Variants in THADA observed in about 807,000 individuals in gnomAD.
The protein encoded by THADA is THADA armadillo repeat containing.
Under a neutral mutation model 219.8 loss-of-function variants are expected in THADA, and 213 were observed. The ratio of observed to expected loss-of-function variants is 0.97; its 90% CI spans 0.87 to 1.09. The LOEUF (loss-of-function observed/expected upper bound fraction) is 1.09. Ranked by LOEUF, THADA falls within the 50% of genes least tolerant of loss-of-function variation. The pLI, the probability that THADA is intolerant of heterozygous loss-of-function variation, is 0.00. For missense variants in THADA, 2,956 were observed against 2,311.3 expected (o/e 1.28, Z -5.72); for synonymous variants, 1,018 against 828.9 (o/e 1.23, Z -3.92).
chr2:43,406,748 G>A (rs906474070), intron 28 of THADA, among the ~76,000 whole-genome samples: 10 of 152,128 alleles, frequency 6.6e-5, no homozygotes, highest in Non-Finnish European at 5.9e-5. Context: ...CCTATCTGAG[G>A]GGTTTCTCTC....
At chr2:43,531,268 G>A (rs1693826574) in intron 21 of THADA, among the ~76,000 whole-genome samples, 1 of 152,178 alleles carries the variant, frequency 6.6e-6, no homozygotes, top group Non-Finnish European at 1.5e-5. Context: ...TACTTGGGTG[G>A]ACCAAAATGA....
At chr2:43,417,862 C>G (rs1038092615) in intron 28 of THADA, among the ~76,000 whole-genome samples, 1 of 152,150 alleles carries the variant, frequency 6.6e-6, no homozygotes, top group Non-Finnish European at 1.5e-5. Flanking sequence ...CCCAACATTC[C>G]CCCCCTCTGT....
At position 43,527,895 on chromosome 2, in the gene THADA, T is replaced by C; in HGVS notation, c.3358A>G (p.Thr1120Ala). ...TTGTTTTACCTGTTTAGTACTTCAG[T>C]GAGTTTCACAAAACCAGTATAAGCC... ...ELAYTGFVKL[T>A]EVLNRCPNVS... The change falls in exon 22 of 38, where the codon ACT (threonine) becomes GCT (alanine). Residue 1120 changes from threonine to alanine, a missense_variant. Transcript: ENST00000405975. The C allele has an allele frequency of 1.2e-6, 2 of 1,612,088 alleles. No homozygotes were observed. Among genetic ancestry groups the C allele is most frequent in the East Asian group, 4.5e-5 (2 of 44,820 alleles).
chr2:43,595,665 T>G (rs948939716), intron 1 of THADA: 11 of 152,422 alleles, frequency 7.2e-5, no homozygotes, highest in African/African-American at 2.4e-4. Flanking sequence ...TTTAGAACGC[T>G]GCTTCACTCT....
intron 28 of THADA, among the ~76,000 whole-genome samples, chr2:43,415,094 T>C (rs1289154471): frequency 1.3e-5 from 2 of 152,230 alleles, no homozygotes; most frequent in Non-Finnish European, 2.9e-5. Flanking sequence ...ACGTATTCTA[T>C]TTATCTTCCT....
chr2:43,333,854 G>T (rs1408346032), intron 30 of THADA, among the ~76,000 whole-genome samples: 1 of 152,222 alleles, frequency 6.6e-6, no homozygotes, highest in Non-Finnish European at 1.5e-5. Context: ...TTCAGGAGGG[G>T]ACCAGCCCAT....
At chr2:43,326,744 C>T (rs1324997161) in intron 30 of THADA, among the ~76,000 whole-genome samples, 1 of 152,146 alleles carries the variant, frequency 6.6e-6, no homozygotes, top group Non-Finnish European at 1.5e-5. Context: ...CCAGTGGGAT[C>T]CCATAAGCTC....
chr2:43,235,683 T>C (rs6732337), intron 36 of THADA, among the ~76,000 whole-genome samples: 43,117 of 152,046 alleles, frequency 0.28, 7,983 homozygotes, highest in African/African-American at 0.53. Context: ...AAAATCAGTA[T>C]CTGCAGCTCA....
chr2:43,407,353 G>A (rs145010127), intron 28 of THADA, among the ~76,000 whole-genome samples: 15 of 152,284 alleles, frequency 9.9e-5, no homozygotes, highest in African/African-American at 3.6e-4. Flanking sequence ...AGAAAGGAAT[G>A]CTTTTATTGA....
chr2:43,231,290 G>A lies in THADA; in HGVS notation c.5520C>T (p.Thr1840=), dbSNP rs757905815. 3.0e-5 allele frequency: 47 copies of A among 1,587,468 alleles called. No homozygotes were observed. The highest frequency in any genetic ancestry group is 1.7e-4 in the Middle Eastern group (1 of 5,946). The part of the protein sequence containing the change: ...EKAEVNFWAE[T]LIFVKYLCKH... ...TGCAGAGGTATTTCACAAAGATCAGGGTCTCGGCCCAAAAGTTGACTTCTG... is the reference window on the plus strand; with the variant it reads ...TGCAGAGGTATTTCACAAAGATCAGAGTCTCGGCCCAAAAGTTGACTTCTG... The change falls in exon 38 of 38, where the codon ACC becomes ACT. Residue 1840 remains threonine, a synonymous_variant. Coordinates refer to ENST00000405975, the MANE Select transcript of THADA (RefSeq NM_022065.5).
Position 43,571,819 on chromosome 2 carries a change from C to T in THADA, c.1952G>A (p.Ser651Asn). ...TLGLLCESNRSTEIVSMEEMQ... is the reference protein window; with the variant it reads ...TLGLLCESNRNTEIVSMEEMQ... ...TTCTTCCATGGAAACAATTTCTGTG[C>T]TCCGATTACTTTCACAAAGCAAGCC... Residue 651 changes from serine (S) to asparagine (N), a missense_variant, in exon 13 of 38, where the codon AGC becomes AAC. By Grantham distance (46) the Ser-to-Asn change is conservative. Transcript: ENST00000405975. 2 of 1,613,902 alleles carry T rather than the reference C, an allele frequency of 1.2e-6. No individual in the cohort carries two copies. Among genetic ancestry groups the T allele is most frequent in the Non-Finnish European group, 1.7e-6 (2 of 1,179,840 alleles).
chr2:43,536,979 T>C (rs569476685), intron 21 of THADA, among the ~76,000 whole-genome samples: 7 of 152,220 alleles, frequency 4.6e-5, no homozygotes, highest in Non-Finnish European at 7.3e-5. Context: ...CCTTAATCCC[T>C]AAGCCTTAAT....
chr2:43,325,997 C>T (rs999356574), intron 30 of THADA, among the ~76,000 whole-genome samples: 1 of 152,068 alleles, frequency 6.6e-6, no homozygotes, highest in Non-Finnish European at 1.5e-5. Context: ...ATTAAATATG[C>T]TCTATCTTGA....
At chr2:43,550,153 A>T (rs1019585787) in intron 19 of THADA, among the ~76,000 whole-genome samples, 5 of 152,214 alleles carry the variant, frequency 3.3e-5, no homozygotes. Flanking sequence ...CAGGAACATG[A>T]GTTGAAGGAA....
At chr2:43,458,198 C>T (rs1683236164) in intron 26 of THADA, among the ~76,000 whole-genome samples, 1 of 152,090 alleles carries the variant, frequency 6.6e-6, no homozygotes, top group African/African-American at 2.4e-5. Flanking sequence ...ATCAAAGAGT[C>T]ATCACTAAAA....
intron 26 of THADA, among the ~76,000 whole-genome samples, chr2:43,432,788 C>T (rs1385244242): frequency 2.6e-5 from 4 of 152,152 alleles, no homozygotes; most frequent in Admixed American, 2.6e-4. Context: ...TGACGTTGAG[C>T]ACTTTTCATG....
At chr2:43,581,564 G>GAA (rs1184602109) in intron 8 of THADA, among the ~76,000 whole-genome samples, 177 bp downstream of exon 8, 2 of 117,666 alleles carry the variant, frequency 1.7e-5, no homozygotes, top group Non-Finnish European at 1.8e-5. Flanking sequence ...AAAAAGAAAA[G>GAA]AAAAAAAAAA....
At chr2:43,553,394 T>G (rs1574228418) in intron 17 of THADA, among the ~76,000 whole-genome samples, 2 of 152,282 alleles carry the variant, frequency 1.3e-5, no homozygotes, top group East Asian at 3.9e-4. Flanking sequence ...GTCATGAGGT[T>G]AGGACCCTCA....
chr2:43,538,178 G>C (rs768892649), intron 21 of THADA, among the ~76,000 whole-genome samples: 1 of 152,130 alleles, frequency 6.6e-6, no homozygotes, highest in Non-Finnish European at 1.5e-5. Flanking sequence ...CTGGGTATCA[G>C]ATAGCCCATG....
Sources: gnomAD v4.1 joint callset for allele counts (sites outside exome capture counted in the v4.1 genomes callset) on GRCh38, gnomAD v4.1.1 for gene constraint, MANE v1.5 for transcripts, NCBI Gene and HGNC (gene_info 2026-07-23, HGNC 2026-07-21) for gene names.